The following TSPAN4 variants were observed in gnomAD, a reference collection of about 807,000 sequenced individuals.
The protein encoded by TSPAN4 is tetraspanin 4.
TSPAN4 carries 38 observed loss-of-function variants against 31.5 expected under a neutral mutation model. The observed-to-expected ratio is 1.21, with a 90% CI of 0.93 to 1.58. The LOEUF (loss-of-function observed/expected upper bound fraction) is 1.58, where lower values mean the gene tolerates loss of function less well. TSPAN4 is among the 40% of genes most tolerant of loss of function. TSPAN4 has a pLI of 0.00. For missense variants in TSPAN4, 330 were observed against 317.3 expected, an observed-to-expected ratio of 1.04 and a Z score of -0.30; for synonymous variants, 186 against 144.6, an observed-to-expected ratio of 1.29 and a Z score of -2.06.
intron 3 of TSPAN4, among the ~76,000 whole-genome samples, chr11:860,961 G>T (rs1309364235): frequency 3.9e-5 from 6 of 152,196 alleles, no homozygotes; most frequent in African/African-American, 7.2e-5. Context: ...CTGCAGACCG[G>T]GAGCTGGTCA....
At chr11:862,199 A>C in intron 3 of TSPAN4, 1 of 275,314 alleles carries the variant, frequency 3.6e-6, no homozygotes, top group Non-Finnish European at 6.8e-6. Context: ...AAGCGGGGTT[A>C]GGGGTGTGCA....
chr11:860,401 G>A (rs1036483846), intron 3 of TSPAN4, among the ~76,000 whole-genome samples: 3 of 152,234 alleles, frequency 2.0e-5, no homozygotes, highest in African/African-American at 7.2e-5. Context: ...GCCAGTAAAA[G>A]GGTGGCGGCC....
chr11:853,147 G>A (rs1462435830), intron 3 of TSPAN4, among the ~76,000 whole-genome samples: 1 of 152,062 alleles, frequency 6.6e-6, no homozygotes, highest in Non-Finnish European at 1.5e-5. Flanking sequence ...GGGGTCCCAT[G>A]CCTGGCTCGT....
At chr11:858,586 G>A (rs576061147) in intron 3 of TSPAN4, 5 of 133,034 alleles carry the variant, frequency 3.8e-5, no homozygotes, top group South Asian at 4.1e-4. Flanking sequence ...CGGCTCACAC[G>A]CACCCCTGCT....
chr11:861,158 C>T (rs1848434401), intron 3 of TSPAN4, among the ~76,000 whole-genome samples: 1 of 152,208 alleles, frequency 6.6e-6, no homozygotes, highest in Non-Finnish European at 1.5e-5. Context: ...CTCGTCTCCC[C>T]CTGCCTCTTC....
intron 4 of TSPAN4, chr11:863,602 CTG>C (rs961132817): frequency 2.0e-5 from 3 of 152,300 alleles, no homozygotes; most frequent in African/African-American, 7.2e-5. Flanking sequence ...GAGGAAGCTG[CTG>C]TGTGTGGGCC....
rs1848708830 is a variant in TSPAN4, at chr11:865,359, G to C, written c.331-154G>C. 4 of 630,712 alleles carry C rather than the reference G, an allele frequency of 6.3e-6. No individual in the cohort carries two copies. The East Asian group carries it at 8.3e-5, about 13-fold the overall frequency. The allele number at this position is 630,712 out of a possible 1,614,324, so 39.1% of individuals were successfully genotyped here. The stretch of plus-strand genomic sequence containing the variant: ...GGCCTCAGGGCTGCTGGGAGGACAT[G>C]GGGCCGGTGTGTCTGCAGCTTGGTG... On this transcript the variant is annotated intron_variant, in intron 5 of 8. Transcript: ENST00000397397.
intron 4 of TSPAN4, chr11:864,123 TCA>T (rs1848630924): frequency 2.2e-6 from 1 of 459,900 alleles, no homozygotes; most frequent in Non-Finnish European, 4.0e-6. Flanking sequence ...GGCTGGGGCC[TCA>T]GGAACAGGGA....
At chr11:855,429 C>G (rs903375171) in intron 3 of TSPAN4, among the ~76,000 whole-genome samples, 1 of 152,240 alleles carries the variant, frequency 6.6e-6, no homozygotes, top group Non-Finnish European at 1.5e-5. Context: ...GGGTCACAGT[C>G]TCCTCCTGGA....
intron 8 of TSPAN4, among the ~76,000 whole-genome samples, 179 bp downstream of exon 8, chr11:866,180 C>G (rs1386144889): frequency 6.6e-6 from 1 of 152,142 alleles, no homozygotes; most frequent in African/African-American, 2.4e-5. Context: ...AGTGGGCTCC[C>G]TCTTAGTGGA....
intron 5 of TSPAN4, 93 bp downstream of exon 5, chr11:864,604 C>T (rs1589796391): frequency 1.3e-6 from 2 of 1,519,396 alleles, no homozygotes; most frequent in Non-Finnish European, 1.8e-6. Context: ...GACAGAGTGG[C>T]CCTGCATGTG....
intron 3 of TSPAN4, among the ~76,000 whole-genome samples, chr11:856,187 T>C (rs941614664): frequency 6.6e-6 from 1 of 152,096 alleles, no homozygotes; most frequent in Non-Finnish European, 1.5e-5. Flanking sequence ...CCCCCGAGCC[T>C]CTTGGGTGGG....
chr11:852,978 G>T (rs7933125), intron 3 of TSPAN4, among the ~76,000 whole-genome samples: 19 of 152,306 alleles, frequency 1.2e-4, no homozygotes, highest in Middle Eastern at 3.4e-3. Context: ...GACCAGAGCC[G>T]TGGGCAGTGG....
At position 854,143 on chromosome 11, in the gene TSPAN4, G is replaced by A. The variant is rs141115630; in HGVS notation, c.63+3776G>A. ...CCGCCTGTCAGGGATGGAGGCAGCC[G>A]AGCTATTTAGCAAGGTGCCACCACG... On this transcript the variant is annotated intron_variant, in intron 3 of 8. Coordinates refer to ENST00000397397, the MANE Select transcript of TSPAN4 (RefSeq NM_003271.5). Among the ~76,000 whole-genome samples, 1,166 of 152,306 alleles carry A rather than the reference G, an allele frequency of 7.7e-3. 15 individuals carry two copies. The highest frequency in any genetic ancestry group is 0.027 in the African/African-American group (1,103 of 41,566).
intron 3 of TSPAN4, chr11:862,320 GCCA>G: frequency 1.8e-6 from 1 of 555,834 alleles, no homozygotes; most frequent in South Asian, 2.4e-5. Context: ...CCCGACTGTG[GCCA>G]TGGAGTGTGG....
At chr11:850,504 CA>C (rs1171183198) in intron 3 of TSPAN4, 137 bp downstream of exon 3, 1 of 722,698 alleles carries the variant, frequency 1.4e-6, no homozygotes, top group East Asian at 2.8e-5. Context: ...CGGGAGGACC[CA>C]AGACCGCTGC....
chr11:853,777 G>A (rs572063946), intron 3 of TSPAN4, among the ~76,000 whole-genome samples: 6 of 152,238 alleles, frequency 3.9e-5, no homozygotes, highest in Non-Finnish European at 7.3e-5. Context: ...TGGCAGCTCC[G>A]CTGGGGCACA....
At chr11:859,806 G>C (rs982153207) in intron 3 of TSPAN4, 1 of 152,250 alleles carries the variant, frequency 6.6e-6, no homozygotes, top group African/African-American at 2.4e-5. Flanking sequence ...TCTGGGGCTG[G>C]CTTTGCTCAG....
At chr11:861,620 G>A (rs1848461981) in intron 3 of TSPAN4, among the ~76,000 whole-genome samples, 1 of 152,238 alleles carries the variant, frequency 6.6e-6, no homozygotes, top group African/African-American at 2.4e-5. Context: ...GCTGAGGCAG[G>A]AGAATGGCGT....
Sources: gnomAD v4.1 joint callset for allele counts (sites outside exome capture counted in the v4.1 genomes callset) on GRCh38, gnomAD v4.1.1 for gene constraint, MANE v1.5 for transcripts, NCBI Gene and HGNC (gene_info 2026-07-23, HGNC 2026-07-21) for gene names.